The following PCDHGB3 variants were observed in gnomAD, a reference collection of about 807,000 sequenced individuals.
PCDHGB3 encodes protocadherin gamma subfamily B, 3, also known as protocadherin gamma-B3.
In PCDHGB3, 40 loss-of-function variants were observed where a neutral mutation model predicts 59.2. The ratio of observed to expected loss-of-function variants is 0.68; its 90% CI spans 0.52 to 0.88. PCDHGB3 has a LOEUF of 0.88. PCDHGB3 is among the 40% of genes least tolerant of loss of function. PCDHGB3 has a pLI of 0.00. For synonymous variants in PCDHGB3, 581 were observed against 503.6 expected (o/e 1.15, Z -2.06); for missense variants, 1,309 against 1,187.9 (o/e 1.10, Z -1.50).
intron 1 of PCDHGB3, chr5:141,419,005 C>G: frequency 6.2e-7 from 1 of 1,613,944 alleles, no homozygotes; most frequent in Non-Finnish European, 8.5e-7. Context: ...ATGGGGAAGT[C>G]AGGTGTAGCT....
In PCDHGB3 at chr5:141,423,305, A is replaced by G. The variant is rs746680027; in HGVS notation, c.2415+50496A>G. On this transcript the variant is annotated intron_variant, in intron 1 of 3. Coordinates refer to ENST00000576222, the MANE Select transcript of PCDHGB3 (RefSeq NM_018924.5). Reference sequence around the variant, plus strand: ...TCTGAAACCTCAGACCTCTCGCTGTACTTGGTGGTGGCGGTGGCCGCAGTC... The same window carrying G: ...TCTGAAACCTCAGACCTCTCGCTGTGCTTGGTGGTGGCGGTGGCCGCAGTC... 23 of 1,613,944 alleles carry G rather than the reference A, an allele frequency of 1.4e-5. No individual in the cohort carries two copies. Among genetic ancestry groups the G allele is most frequent in the Non-Finnish European group, 1.9e-5 (22 of 1,180,004 alleles).
At chr5:141,393,183 A>T in intron 1 of PCDHGB3, 1 of 1,613,370 alleles carries the variant, frequency 6.2e-7, no homozygotes, top group Non-Finnish European at 8.5e-7. Context: ...AATAGAAATA[A>T]TTGATATTAA....
At chr5:141,418,478 G>T (rs777772131) in intron 1 of PCDHGB3, 1 of 1,613,858 alleles carries the variant, frequency 6.2e-7, no homozygotes, top group Non-Finnish European at 8.5e-7. Flanking sequence ...AACGCAGAGC[G>T]CTCACCACTT....
intron 1 of PCDHGB3, chr5:141,478,139 G>A: frequency 6.2e-7 from 1 of 1,614,040 alleles, no homozygotes; most frequent in Non-Finnish European, 8.5e-7. Context: ...TGAAGCCCGA[G>A]CCGAGTTCCC....
At chr5:141,418,674 GCAT>G (rs1401114725) in intron 1 of PCDHGB3, 1 of 1,614,032 alleles carries the variant, frequency 6.2e-7, no homozygotes, top group Non-Finnish European at 8.5e-7. Flanking sequence ...CAGGACGAGG[GCAT>G]CAACTCAGAG....
At chr5:141,376,417 G>T (rs750081761) in intron 1 of PCDHGB3, 2 of 1,614,148 alleles carry the variant, frequency 1.2e-6, no homozygotes, top group South Asian at 1.1e-5. Flanking sequence ...ATGCCGACAC[G>T]CTTATCAACC....
Position 141,372,541 on chromosome 5 carries a change from G to T in PCDHGB3, c.2147G>T (p.Arg716Leu). Residue 716 changes from arginine to leucine, a missense_variant, in exon 1 of 4, where the codon CGA (arginine) becomes CTA (leucine). Coordinates refer to ENST00000576222, the MANE Select transcript of PCDHGB3 (RefSeq NM_018924.5). Reference sequence around the variant, plus strand: ...ATTCTGGCAATCTCCCTGCGCCTGCGATGCTCCTCCAGACCCGCCACTGAG... The same window carrying T: ...ATTCTGGCAATCTCCCTGCGCCTGCTATGCTCCTCCAGACCCGCCACTGAG... The part of the protein sequence containing the change: ...AVILAISLRL[R>L]CSSRPATEGY... 16 of 1,613,980 alleles carry T rather than the reference G, an allele frequency of 9.9e-6. No individual in the cohort carries two copies. The highest frequency in any genetic ancestry group is 1.3e-5 in the Non-Finnish European group (15 of 1,179,900).
chr5:141,508,627 C>T (rs566012494), intron 3 of PCDHGB3, among the ~76,000 whole-genome samples: 1 of 152,262 alleles, frequency 6.6e-6, no homozygotes, highest in South Asian at 2.1e-4. Flanking sequence ...GTGGGCCGAG[C>T]TTCTAGCTAC....
At position 141,486,905 on chromosome 5, in the gene PCDHGB3, C is replaced by G. The variant is rs1463391292; in HGVS notation, c.2416-7902C>G. On this transcript the variant is annotated intron_variant, in intron 1 of 3. Coordinates refer to ENST00000576222, the MANE Select transcript of PCDHGB3 (RefSeq NM_018924.5). This position sits in a 1 kb window ranked among gnomAD's most constrained non-coding sequence, Gnocchi z 5.0. ...GGCCCGGCCTGGTTCCTTATGTCCC[C>G]AAGCACTGCCTCCATCAGTTGGTGC... 1 of 1,614,250 alleles carries G rather than the reference C, an allele frequency of 6.2e-7. No individual in the cohort carries two copies. The highest frequency in any genetic ancestry group is 1.3e-5 in the African/African-American group (1 of 75,066).
chr5:141,381,898 C>T (rs1777736173), intron 1 of PCDHGB3, among the ~76,000 whole-genome samples: 2 of 123,608 alleles, frequency 1.6e-5, no homozygotes, highest in African/African-American at 6.3e-5. Context: ...GGTGTGATCT[C>T]GGCTCACCAC....
At chr5:141,448,449 T>C (rs528049717) in intron 1 of PCDHGB3, among the ~76,000 whole-genome samples, 1 of 152,284 alleles carries the variant, frequency 6.6e-6, no homozygotes, top group South Asian at 2.1e-4. Context: ...CTGACTTCCA[T>C]CCCTATCCTA....
chr5:141,394,925 C>T (rs771405918), intron 1 of PCDHGB3: 9 of 1,613,696 alleles, frequency 5.6e-6, no homozygotes, highest in South Asian at 1.1e-5. Context: ...CCTGTGTCTT[C>T]CTCGCCTTTG....
At chr5:141,419,203 C>A in intron 1 of PCDHGB3, 1 of 1,613,988 alleles carries the variant, frequency 6.2e-7, no homozygotes, top group South Asian at 1.1e-5. Context: ...TCAATGACAA[C>A]GCGCCGGTTT....
intron 1 of PCDHGB3, chr5:141,408,178 G>A (rs1425207794): frequency 1.3e-6 from 2 of 1,535,708 alleles, no homozygotes; most frequent in Non-Finnish European, 1.8e-6. Context: ...GAAAAGCGGG[G>A]ACCCAGCGAG....
intron 1 of PCDHGB3, among the ~76,000 whole-genome samples, chr5:141,466,994 T>C (rs944607423): frequency 6.6e-6 from 1 of 152,176 alleles, no homozygotes; most frequent in African/African-American, 2.4e-5. Flanking sequence ...CTTTTGGCAT[T>C]TTTTTGCAAT....
chr5:141,411,184 G>A (rs1478666914), intron 1 of PCDHGB3: 1 of 152,108 alleles, frequency 6.6e-6, no homozygotes, highest in Admixed American at 6.6e-5. Context: ...AGTGGTCTTG[G>A]CATCTAAGAA....
In PCDHGB3 at chr5:141,375,962, C is replaced by A. The variant is rs763635174; in HGVS notation, c.2415+3153C>A. 4 of 1,613,344 alleles carry A rather than the reference C, an allele frequency of 2.5e-6. No homozygotes were observed. The South Asian group carries it at 3.3e-5, about 13-fold the overall frequency. On this transcript the variant is annotated intron_variant, in intron 1 of 3. Coordinates refer to ENST00000576222, the MANE Select transcript of PCDHGB3 (RefSeq NM_018924.5). Reference sequence around the variant, plus strand: ...AGTGGGCCTGCACACGGGCGAGGTGCGCACGGCGCGCGCCCTGCTGGACAG... The same window carrying A: ...AGTGGGCCTGCACACGGGCGAGGTGAGCACGGCGCGCGCCCTGCTGGACAG...
At chr5:141,467,627 G>A (rs2099147481) in intron 1 of PCDHGB3, among the ~76,000 whole-genome samples, 1 of 152,140 alleles carries the variant, frequency 6.6e-6, no homozygotes, top group South Asian at 2.1e-4. Context: ...ATTTGAGATA[G>A]CATCTTTATC....
rs2099693161 is a variant in PCDHGB3, at chr5:141,489,871, G to T, written c.2416-4936G>T. ...TGAAGCCCAGGCAAGACATCAGCTG[G>T]TGCTTACTGCTGTGGATGGGGGGAC... On this transcript the variant is annotated intron_variant, in intron 1 of 3. Coordinates refer to ENST00000576222, the MANE Select transcript of PCDHGB3 (RefSeq NM_018924.5). This position sits in a 1 kb window ranked among gnomAD's most constrained non-coding sequence, Gnocchi z 4.5. The T allele has an allele frequency of 6.2e-7, 1 of 1,614,088 alleles. No homozygotes were observed. Among genetic ancestry groups the T allele is most frequent in the Non-Finnish European group, 8.5e-7 (1 of 1,180,022 alleles).
Sources: allele counts gnomAD v4.1 joint callset (sites outside exome capture counted in the v4.1 genomes callset), GRCh38; gene constraint gnomAD v4.1.1; non-coding constraint Gnocchi (gnomAD v3.1); transcripts MANE v1.5; gene names NCBI Gene and HGNC (gene_info 2026-07-23, HGNC 2026-07-21).